Variants in RELT observed in about 807,000 individuals in gnomAD.
RELT encodes the protein RELT TNF receptor.
RELT carries 37 observed loss-of-function variants against 51.1 expected under a neutral mutation model. The observed-to-expected ratio is 0.72, with a 90% confidence interval of 0.56 to 0.95. RELT has a LOEUF of 0.95. Ranked by LOEUF, RELT falls within the 40% of genes least tolerant of loss-of-function variation. The probability of loss-of-function intolerance (pLI) is 0.00; values close to 1 mark genes in which losing one functional copy is unlikely to be tolerated. For synonymous variants in RELT, 241 were observed against 235.7 expected (o/e 1.02, Z -0.21); for missense variants, 535 against 572.6 (o/e 0.93, Z 0.67).
At chr11:73,382,234 T>G (rs57727431) in intron 1 of RELT, among the ~76,000 whole-genome samples, 12,570 of 152,174 alleles carry the variant, frequency 0.083, 1,484 homozygotes, top group African/African-American at 0.26. Flanking sequence ...GGGCGCCTCT[T>G]TCCCCAGCAC....
rs1393050935 is a variant in RELT, at chr11:73,395,699, G to T, written c.*208G>T. 1.7e-6 allele frequency: 1 copy of T among 591,146 alleles called. No homozygotes were observed. Among genetic ancestry groups the T allele is most frequent in the African/African-American group, 1.9e-5 (1 of 53,760 alleles). 36.6% of individuals were successfully genotyped at this position (591,146 alleles called of 1,614,324 possible). Reference sequence around the variant, plus strand: ...GGCACTGTGTACAGGAGCAGGCTGAGCCCCGCCCCTGGCCCTGCTGCCATG... The same window carrying T: ...GGCACTGTGTACAGGAGCAGGCTGATCCCCGCCCCTGGCCCTGCTGCCATG... On this transcript the variant is annotated 3_prime_UTR_variant, in exon 11 of 11. Coordinates refer to ENST00000064780, the MANE Select transcript of RELT (RefSeq NM_152222.2).
chr11:73,384,000 C>G (rs975561821), intron 1 of RELT, among the ~76,000 whole-genome samples: 1 of 152,170 alleles, frequency 6.6e-6, no homozygotes, highest in Non-Finnish European at 1.5e-5. Flanking sequence ...TGTTTCCAGG[C>G]AACCCTAGCC....
At chr11:73,391,797 G>C (rs1866218946) in intron 5 of RELT, among the ~76,000 whole-genome samples, 1 of 152,032 alleles carries the variant, frequency 6.6e-6, no homozygotes, top group South Asian at 2.1e-4. Flanking sequence ...ATGCAGATGA[G>C]TGTGCGCATG....
chr11:73,394,267 A>G lies in RELT; in HGVS notation c.738A>G (p.Lys246=). 6.2e-7 allele frequency: 1 copy of G among 1,611,826 alleles called. No homozygotes were observed. The highest frequency in any genetic ancestry group is 8.5e-7 in the Non-Finnish European group (1 of 1,179,454). ...ENAAALEELL[K]EYHSKQLVQT... Reference sequence around the variant, plus strand: ...CTGCGGCCCTGGAGGAGCTGCTGAAAGAGTACCACAGCAAACAGCTGGTGC... The same window carrying G: ...CTGCGGCCCTGGAGGAGCTGCTGAAGGAGTACCACAGCAAACAGCTGGTGC... The change falls in exon 8 of 11, where the codon AAA becomes AAG. Residue 246 remains lysine (K), a synonymous_variant. Coordinates refer to ENST00000064780, the MANE Select transcript of RELT (RefSeq NM_152222.2). This position sits in a 1 kb window ranked among gnomAD's most constrained non-coding sequence, Gnocchi z 4.9.
chr11:73,392,298 G>T lies in RELT; in HGVS notation c.455G>T (p.Arg152Leu). ...GETRQPGNGT[R>L]AGGPEETAAQ... ...ACACGGCAGCCTGGGAACGGCACCC[G>T]GGCAGGTGGCCCAGAGGAGACAGCC... The change falls in exon 6 of 11, where the codon CGG becomes CTG. Residue 152 changes from arginine (R) to leucine (L), a missense_variant. Physicochemically the swap from Arg to Leu is moderately radical, Grantham distance 102. Transcript: ENST00000064780. 1 of 1,613,348 alleles carries T rather than the reference G, an allele frequency of 6.2e-7. No homozygotes were observed. Among genetic ancestry groups the T allele is most frequent in the Non-Finnish European group, 8.5e-7 (1 of 1,179,880 alleles).
At chr11:73,386,292 C>G (rs980494556) in intron 1 of RELT, among the ~76,000 whole-genome samples, 4 of 152,328 alleles carry the variant, frequency 2.6e-5, no homozygotes, top group Admixed American at 2.0e-4. Flanking sequence ...ATCGGAGGCT[C>G]TGGGGCCTCA....
chr11:73,393,677 T>C, intron 6 of RELT, 160 bp from the exon 7 acceptor site: 5 of 1,586,666 alleles, frequency 3.2e-6, no homozygotes, highest in Non-Finnish European at 4.3e-6. Context: ...TCTCTGAGCC[T>C]GGATCCCACA....
intron 6 of RELT, chr11:73,392,961 G>T (rs771871409): frequency 5.0e-6 from 5 of 1,001,484 alleles, no homozygotes; most frequent in Non-Finnish European, 6.0e-6. Context: ...ACAGGCATGC[G>T]CCACCACCTT....
chr11:73,391,907 G>A (rs1229656919), intron 5 of RELT: 18 of 506,538 alleles, frequency 3.6e-5, no homozygotes, highest in South Asian at 1.9e-4. Context: ...CAGATCCCAC[G>A]TCCCTGTGCC....
At chr11:73,377,681 AC>A (rs150993049) in intron 1 of RELT, among the ~76,000 whole-genome samples, 7 of 145,150 alleles carry the variant, frequency 4.8e-5, no homozygotes, top group African/African-American at 1.8e-4. Context: ...TTGTTCTCAG[AC>A]CCCCCCGCCC....
intron 2 of RELT, among the ~76,000 whole-genome samples, chr11:73,390,349 A>G (rs1327406309): frequency 6.6e-6 from 1 of 152,070 alleles, no homozygotes; most frequent in East Asian, 1.9e-4. Flanking sequence ...TTGCCCAGGT[A>G]CTGGTCTTGC....
chr11:73,394,935 T>G lies in RELT; in HGVS notation c.1047-152T>G. On this transcript the variant is annotated intron_variant, in intron 9 of 10. Coordinates refer to ENST00000064780, the MANE Select transcript of RELT (RefSeq NM_152222.2). The surrounding 1 kb of genome is among the most constrained non-coding windows in gnomAD (Gnocchi z 4.9). Reference sequence around the variant, plus strand: ...TTGTGTCTCACATGGAGCCCTTGCATCCCTAGGGCAGCATCTTGGCCCCCA... The same window carrying G: ...TTGTGTCTCACATGGAGCCCTTGCAGCCCTAGGGCAGCATCTTGGCCCCCA... 1 of 885,636 alleles carries G rather than the reference T, an allele frequency of 1.1e-6. No individual in the cohort carries two copies. The highest frequency in any genetic ancestry group is 1.6e-5 in the South Asian group (1 of 61,318). 54.9% of individuals were successfully genotyped at this position (885,636 alleles called of 1,614,324 possible).
At chr11:73,379,033 C>T (rs772553520) in intron 1 of RELT, among the ~76,000 whole-genome samples, 1 of 152,172 alleles carries the variant, frequency 6.6e-6, no homozygotes, top group Non-Finnish European at 1.5e-5. Context: ...CTCTGGGCCT[C>T]GGTCTCCCTG....
chr11:73,394,685 G>C lies in RELT; in HGVS notation c.997G>C (p.Gly333Arg), dbSNP rs34987293. 1 of 1,613,212 alleles carries C rather than the reference G, an allele frequency of 6.2e-7. No individual in the cohort carries two copies. Among genetic ancestry groups the C allele is most frequent in the African/African-American group, 1.3e-5 (1 of 74,922 alleles). Residue 333 changes from glycine (G) to arginine (R), a missense_variant, in exon 9 of 11, where the codon GGG becomes CGG. Physicochemically the swap from Gly to Arg is moderately radical, Grantham distance 125. Transcript: ENST00000064780. The surrounding 1 kb of genome is among the most constrained non-coding windows in gnomAD (Gnocchi z 4.9). Reference sequence around the variant, plus strand: ...TAACCCGACCAGGGTTCCCAAGGCCGGGGCCAAGGCAGGGCGTCAGGGCGA... The same window carrying C: ...TAACCCGACCAGGGTTCCCAAGGCCCGGGCCAAGGCAGGGCGTCAGGGCGA... Reference protein sequence around the residue: ...LPNPTRVPKAGAKAGRQGEIT... With the variant: ...LPNPTRVPKARAKAGRQGEIT...
intron 1 of RELT, among the ~76,000 whole-genome samples, chr11:73,377,986 G>A (rs989141182): frequency 6.6e-6 from 1 of 152,150 alleles, no homozygotes; most frequent in Non-Finnish European, 1.5e-5. Flanking sequence ...CCTCTGTCAC[G>A]AAATGGATCC....
chr11:73,386,320 A>C (rs2134444865), intron 1 of RELT, among the ~76,000 whole-genome samples: 1 of 152,314 alleles, frequency 6.6e-6, no homozygotes, highest in South Asian at 2.1e-4. Context: ...CCCAGCCTTT[A>C]GGATGAGGCA....
Position 73,388,210 on chromosome 11 carries a change from C to T in RELT, c.-25-902C>T, listed in dbSNP as rs1259071649. Among the ~76,000 whole-genome samples the T allele has an allele frequency of 6.6e-6, 1 of 152,228 alleles. No homozygotes were observed. The highest frequency in any genetic ancestry group is 1.5e-5 in the Non-Finnish European group (1 of 68,040). On this transcript the variant is annotated intron_variant, in intron 1 of 10. Transcript: ENST00000064780. The surrounding 1 kb of genome is among the most constrained non-coding windows in gnomAD (Gnocchi z 4.1). The stretch of plus-strand genomic sequence containing the variant: ...CTCTGCTTTATTTCGTTTCTTGGCA[C>T]TTACCACCAAATGGCAGGGGCACCT...
rs560038712 is a variant in RELT, at chr11:73,377,769, T to C, written c.-26+1270T>C. Among the ~76,000 whole-genome samples, 5 of 148,502 alleles carry C rather than the reference T, an allele frequency of 3.4e-5. No individual in the cohort carries two copies. The South Asian group carries it at 1.1e-3, about 33-fold the overall frequency. Reference sequence around the variant, plus strand: ...CTTTGAATGGACTGTGAATCATCACTTTGGGATCCTCTATTGTTTTGGGTC... The same window carrying C: ...CTTTGAATGGACTGTGAATCATCACCTTGGGATCCTCTATTGTTTTGGGTC... On this transcript the variant is annotated intron_variant, in intron 1 of 10. Coordinates refer to ENST00000064780, the MANE Select transcript of RELT (RefSeq NM_152222.2).
intron 6 of RELT, chr11:73,392,958 T>C (rs745861865): frequency 1.4e-4 from 144 of 1,003,258 alleles, no homozygotes; most frequent in Admixed American, 2.2e-4. Context: ...GGGACAGGCA[T>C]GCGCCACCAC....
Sources: allele counts gnomAD v4.1 joint callset (sites outside exome capture counted in the v4.1 genomes callset), GRCh38; gene constraint gnomAD v4.1.1; non-coding constraint Gnocchi (gnomAD v3.1); transcripts MANE v1.5; gene names NCBI Gene and HGNC (gene_info 2026-07-23, HGNC 2026-07-21).